Variants in C1orf174 observed in about 807,000 individuals in gnomAD.
C1orf174 encodes chromosome 1 open reading frame 174, also known as UPF0688 protein C1orf174.
In C1orf174, 13 loss-of-function variants were observed where a neutral mutation model predicts 18.4. The ratio of observed to expected loss-of-function variants is 0.71; its 90% CI spans 0.46 to 1.12. C1orf174 has a LOEUF of 1.12. Among genes scored for constraint, C1orf174 ranks in the 50% most tolerant of loss-of-function variants. The pLI, the probability that C1orf174 is intolerant of heterozygous loss-of-function variation, is 0.00. For synonymous variants in C1orf174, 100 were observed against 118.3 expected (o/e 0.85, Z 1.01); for missense variants, 309 against 308.0 (o/e 1.00, Z -0.02).
Position 3,890,736 on chromosome 1 carries a change from C to T in C1orf174, c.451G>A (p.Glu151Lys). ...ACAGTGGAGCTGCTGTTGGATTCTT[C>T]TGCTCCGGACCCGGCACTGTGTTTT... ...VPKHSAGSGAEESNSSSTVQK... is the reference protein window; with the variant it reads ...VPKHSAGSGAKESNSSSTVQK... Residue 151 changes from glutamate (E) to lysine (K), a missense_variant, in exon 3 of 4, where the codon GAA (glutamate) becomes AAA (lysine). Physicochemically the swap from Glu to Lys is moderately conservative, Grantham distance 56. Coordinates refer to ENST00000361605, the MANE Select transcript of C1orf174 (RefSeq NM_207356.3). 6.2e-7 allele frequency: 1 copy of T among 1,614,138 alleles called. No individual in the cohort carries two copies. The highest frequency in any genetic ancestry group is 1.1e-5 in the South Asian group (1 of 91,082).
chr1:3,889,956 GC>G lies in C1orf174; in HGVS notation c.*3del. On this transcript the variant is annotated 3_prime_UTR_variant, in exon 4 of 4. Transcript: ENST00000361605. ...ATACTCAAGGACATTATTTTGTATG[GC>G]CCCTACATTTCTGCATCATCGTCGT... 2.5e-6 allele frequency: 4 copies of G among 1,610,244 alleles called. No individual in the cohort carries two copies. The highest frequency in any genetic ancestry group is 2.5e-6 in the Non-Finnish European group (3 of 1,176,478).
intron 1 of C1orf174, among the ~76,000 whole-genome samples, chr1:3,899,950 G>A (rs984421165): frequency 6.6e-6 from 1 of 152,112 alleles, no homozygotes; most frequent in African/African-American, 2.4e-5. Context: ...TTCTTCCGAG[G>A]GCGTGGCCCG....
In C1orf174 at chr1:3,889,726, G is replaced by C; in HGVS notation, c.*234C>G. The C allele has an allele frequency of 3.0e-6, 1 of 338,950 alleles. No homozygotes were observed. The highest frequency in any genetic ancestry group is 5.4e-6 in the Non-Finnish European group (1 of 185,544). 21.0% of individuals were successfully genotyped at this position (338,950 alleles called of 1,614,324 possible). A position where few individuals can be genotyped will look rare whatever the true frequency, so the allele number is the denominator to read the frequency against. ...AAAAAAAAAAAAAAAAAAAAAGAAA[G>C]GACATTGGCACAGTACAGCAGCTTT... On this transcript the variant is annotated 3_prime_UTR_variant, in exon 4 of 4. Coordinates refer to ENST00000361605, the MANE Select transcript of C1orf174 (RefSeq NM_207356.3).
chr1:3,899,736 G>A lies in C1orf174; in HGVS notation c.15+436C>T, dbSNP rs544269376. On this transcript the variant is annotated intron_variant, in intron 1 of 3. Transcript: ENST00000361605. ...GTGGCCCGAAACCTCCCTTCAAGGG[G>A]GCGTGACCTGGGAGCCCCCTGTTGC... is the stretch of plus-strand genomic sequence containing the variant. Among the ~76,000 whole-genome samples the A allele has an allele frequency of 2.0e-5, 3 of 152,270 alleles. No individual in the cohort carries two copies. In the East Asian group the frequency reaches 5.8e-4, roughly 29 times the overall value.
intron 1 of C1orf174, 22 bp from the exon 2 acceptor site, chr1:3,893,018 C>A: frequency 6.2e-7 from 1 of 1,610,714 alleles, no homozygotes; most frequent in Non-Finnish European, 8.5e-7. Flanking sequence ...GAGAGCCACT[C>A]AGAGAGTGCT....
At position 3,890,960 on chromosome 1, in the gene C1orf174, G is replaced by C; in HGVS notation, c.227C>G (p.Pro76Arg). The C allele has an allele frequency of 6.2e-7, 1 of 1,614,198 alleles. No individual in the cohort carries two copies. Among genetic ancestry groups the C allele is most frequent in the Non-Finnish European group, 8.5e-7 (1 of 1,180,046 alleles). ...LVKSELQKLVPKNDSASLPKV... is the reference protein window; with the variant it reads ...LVKSELQKLVRKNDSASLPKV... ...TGGCAAAGAAGCGCTGTCATTCTTA[G>C]GGACAAGCTTCTGTAATTCTGACTT... The change falls in exon 3 of 4, where the codon CCT becomes CGT. Residue 76 changes from proline (P) to arginine (R), a missense_variant. Physicochemically the swap from Pro to Arg is moderately radical, Grantham distance 103 (BLOSUM62 -2). Transcript: ENST00000361605.
intron 1 of C1orf174, among the ~76,000 whole-genome samples, chr1:3,893,412 ACTC>A (rs2124784914): frequency 6.6e-6 from 1 of 152,186 alleles, no homozygotes; most frequent in South Asian, 2.1e-4. Flanking sequence ...CTCAAATTAG[ACTC>A]CTATTCTATT....
At chr1:3,892,709 T>G in intron 2 of C1orf174, 174 bp downstream of exon 2, 2 of 1,450,842 alleles carry the variant, frequency 1.4e-6, no homozygotes, top group Non-Finnish European at 1.8e-6. Context: ...GCAGAGTGTG[T>G]CTTTCTCTGA....
chr1:3,893,087 A>G, intron 1 of C1orf174, 91 bp from the exon 2 acceptor site: 2 of 1,372,432 alleles, frequency 1.5e-6, no homozygotes, highest in South Asian at 2.6e-5. Context: ...ACACCCGAAG[A>G]CCGCCCCTCC....
intron 1 of C1orf174, among the ~76,000 whole-genome samples, chr1:3,897,786 C>T (rs1017221996): frequency 1.3e-5 from 2 of 148,880 alleles, no homozygotes; most frequent in Admixed American, 6.7e-5. Context: ...GCCTCAGCCT[C>T]CCAAGTAGCT....
chr1:3,898,434 G>A (rs2124788703), intron 1 of C1orf174, among the ~76,000 whole-genome samples: 1 of 151,612 alleles, frequency 6.6e-6, no homozygotes, highest in South Asian at 2.1e-4. Flanking sequence ...CTTGAACCCG[G>A]GAGGCAGAGG....
intron 1 of C1orf174, among the ~76,000 whole-genome samples, chr1:3,896,594 C>G (rs1638609369): frequency 1.3e-5 from 2 of 152,226 alleles, no homozygotes; most frequent in Non-Finnish European, 2.9e-5. Flanking sequence ...GGGAGCTGTT[C>G]AAGTACCGTG....
chr1:3,896,114 G>A (rs918867607), intron 1 of C1orf174: 1 of 152,832 alleles, frequency 6.5e-6, no homozygotes, highest in Non-Finnish European at 1.5e-5. Context: ...CCAGCTCCCA[G>A]GCAGCGGGGT....
chr1:3,890,151 C>T (rs147692792), intron 3 of C1orf174, 78 bp from the exon 4 acceptor site: 20 of 1,170,696 alleles, frequency 1.7e-5, no homozygotes, highest in East Asian at 9.6e-5. Flanking sequence ...CCCCACCCAG[C>T]GGCTCTAGGG....
rs1320398949 is a variant in C1orf174, at chr1:3,900,165, C to A, written c.15+7G>T. On this transcript the variant is annotated splice_region_variant and intron_variant, in intron 1 of 3. Transcript: ENST00000361605. ...CGGCGCAGCTGCTGCCGGGACCCAG[C>A]CCTCACCTTCCGGCTCCTCATGAGT... 6.3e-7 allele frequency: 1 copy of A among 1,586,196 alleles called. No individual in the cohort carries two copies. The highest frequency in any genetic ancestry group is 1.1e-5 in the South Asian group (1 of 89,736).
rs115427760 is a variant in C1orf174, at chr1:3,899,014, C to T, written c.15+1158G>A. ...GAGAATATGAAGATTAAGCTGTATA[C>T]GGTAAAACATAAAGCACTGGAAAAA... On this transcript the variant is annotated intron_variant, in intron 1 of 3. Coordinates refer to ENST00000361605, the MANE Select transcript of C1orf174 (RefSeq NM_207356.3). Among the ~76,000 whole-genome samples, 1,356 of 151,758 alleles carry T rather than the reference C, an allele frequency of 8.9e-3. 13 individuals carry two copies. Among genetic ancestry groups the T allele is most frequent in the Non-Finnish European group, 0.014 (925 of 67,984 alleles).
intron 1 of C1orf174, among the ~76,000 whole-genome samples, chr1:3,899,862 T>C (rs1638675640): frequency 6.7e-6 from 1 of 149,136 alleles, no homozygotes; most frequent in South Asian, 2.1e-4. Flanking sequence ...CTCGGGGGTG[T>C]GGCCCAGAGG....
chr1:3,900,231 G>C lies in C1orf174; in HGVS notation c.-45C>G, dbSNP rs752382006. ...AAGCACCGCGCGCCCCGGCCAACGC[G>C]TCCCGGCGGAGCGGCGACCCGGAGT... On this transcript the variant is annotated 5_prime_UTR_variant, in exon 1 of 4. Coordinates refer to ENST00000361605, the MANE Select transcript of C1orf174 (RefSeq NM_207356.3). 1.3e-6 allele frequency: 2 copies of C among 1,546,586 alleles called. No individual in the cohort carries two copies. The highest frequency in any genetic ancestry group is 1.4e-5 in the African/African-American group (1 of 70,064).
At chr1:3,893,579 C>T (rs974117564) in intron 1 of C1orf174, among the ~76,000 whole-genome samples, 3 of 152,114 alleles carry the variant, frequency 2.0e-5, no homozygotes, top group Non-Finnish European at 4.4e-5. Flanking sequence ...GAATAATTTT[C>T]GGCATTCAGA....
Sources: allele counts gnomAD v4.1 joint callset (sites outside exome capture counted in the v4.1 genomes callset), GRCh38; gene constraint gnomAD v4.1.1; transcripts MANE v1.5; gene names NCBI Gene and HGNC (gene_info 2026-07-23, HGNC 2026-07-21).